Variants in FERMT2 observed in about 807,000 individuals in gnomAD.
FERMT2 encodes FERM domain containing kindlin 2, also known as fermitin family homolog 2.
Under a neutral mutation model 82.7 loss-of-function variants are expected in FERMT2, and 15 were observed. The observed-to-expected ratio is 0.18, with a 90% CI of 0.12 to 0.28. FERMT2 has a LOEUF of 0.28. Ranked by LOEUF, FERMT2 falls within the 10% of genes least tolerant of loss-of-function variation. The pLI is 1.00. For synonymous variants in FERMT2, 274 were observed against 271.5 expected (o/e 1.01, Z -0.09); for missense variants, 645 against 809.4 (o/e 0.80, Z 2.46).
At chr14:52,901,618 T>C (rs1386606361) in intron 3 of FERMT2, among the ~76,000 whole-genome samples, 2 of 152,228 alleles carry the variant, frequency 1.3e-5, no homozygotes, top group Admixed American at 1.3e-4. Context: ...TTGCTGTTAC[T>C]GGCTTTGAAG....
At chr14:52,879,331 T>C (rs1341925952) in intron 6 of FERMT2, among the ~76,000 whole-genome samples, 1 of 152,208 alleles carries the variant, frequency 6.6e-6, no homozygotes, top group Non-Finnish European at 1.5e-5. Context: ...TTATCCAGAA[T>C]GCTTGAGACC....
chr14:52,895,513 C>T (rs951695801), intron 3 of FERMT2, among the ~76,000 whole-genome samples: 1 of 152,094 alleles, frequency 6.6e-6, no homozygotes. Context: ...TAAAAAGAAA[C>T]AACTGACACA....
intron 2 of FERMT2, 81 bp downstream of exon 2, chr14:52,950,331 C>T: frequency 1.4e-6 from 2 of 1,404,908 alleles, no homozygotes; most frequent in South Asian, 1.3e-5. Flanking sequence ...TCAAATGGGC[C>T]CCTCCCCCGT....
At chr14:52,866,599 AAG>A (rs1885295494) in intron 10 of FERMT2, among the ~76,000 whole-genome samples, 1 of 152,190 alleles carries the variant, frequency 6.6e-6, no homozygotes, top group African/African-American at 2.4e-5. Flanking sequence ...GCAAGAAAAA[AAG>A]GTTTCACTAC....
At chr14:52,888,020 T>C (rs374372683) in intron 4 of FERMT2, among the ~76,000 whole-genome samples, 1 of 152,212 alleles carries the variant, frequency 6.6e-6, no homozygotes, top group Non-Finnish European at 1.5e-5. Flanking sequence ...TTACTATGTA[T>C]GTAATTGTTG....
chr14:52,905,910 G>C (rs1245421231), intron 3 of FERMT2, among the ~76,000 whole-genome samples: 2 of 152,132 alleles, frequency 1.3e-5, no homozygotes, highest in African/African-American at 4.8e-5. Context: ...AGAAAATCTA[G>C]GAAAAATTAA....
Position 52,919,293 on chromosome 14 carries a change from T to C in FERMT2, c.221A>G (p.Lys74Arg), listed in dbSNP as rs1402183803. 3 of 1,613,962 alleles carry C rather than the reference T, an allele frequency of 1.9e-6. No individual in the cohort carries two copies. The African/African-American group carries it at 4.0e-5, about 22-fold the overall frequency. ...ATACTTATCTAAGGTCCAATGTGTC[T>C]TCAGAAGCCAAGTTCTCTTCTTTTC... is the stretch of plus-strand genomic sequence containing the variant. ...WWEKKRTWLLKTHWTLDKYGI... is the reference protein window; with the variant it reads ...WWEKKRTWLLRTHWTLDKYGI... The change falls in exon 3 of 15, where the codon AAG (lysine) becomes AGG (arginine). Residue 74 changes from lysine (K) to arginine (R), a missense_variant. By Grantham distance (26) the Lys-to-Arg change is conservative. Coordinates refer to ENST00000341590, the MANE Select transcript of FERMT2 (RefSeq NM_006832.3).
chr14:52,892,243 G>C (rs1164953169), intron 4 of FERMT2, among the ~76,000 whole-genome samples: 1 of 145,430 alleles, frequency 6.9e-6, no homozygotes, highest in Admixed American at 7.0e-5. Context: ...CTGGGTTCAA[G>C]CAATTCTCCT....
intron 3 of FERMT2, among the ~76,000 whole-genome samples, chr14:52,915,208 A>C (rs1177354661): frequency 1.3e-5 from 2 of 152,244 alleles, no homozygotes; most frequent in African/African-American, 4.8e-5. Context: ...GAATGGTAAG[A>C]TCTACATAAC....
intron 2 of FERMT2, among the ~76,000 whole-genome samples, chr14:52,927,708 G>T (rs1179663011): frequency 6.6e-6 from 1 of 150,604 alleles, no homozygotes; most frequent in Non-Finnish European, 1.5e-5. Context: ...GGTCAAGGTT[G>T]CATAGAAAGT....
intron 14 of FERMT2, 149 bp downstream of exon 14, chr14:52,859,424 A>G: frequency 1.4e-6 from 1 of 716,960 alleles, no homozygotes; most frequent in East Asian, 3.2e-5. Context: ...GGCAAATTTA[A>G]GTGAGAAATG....
In FERMT2 at chr14:52,936,851, T is replaced by C. The variant is rs75591842; in HGVS notation, c.157+13561A>G. 3.5e-3 allele frequency among the ~76,000 whole-genome samples: 538 copies of C among 152,242 alleles called. 28 individuals are homozygous for C. The East Asian group carries it at 0.092, about 26-fold the overall frequency. On this transcript the variant is annotated intron_variant, in intron 2 of 14. Transcript: ENST00000341590. ...ATAATACTCACTACATTATAGTAAT[T>C]ACTATTTAAGGATTGTCTTTAGGTC...
intron 7 of FERMT2, among the ~76,000 whole-genome samples, chr14:52,877,277 T>C (rs913106434): frequency 6.6e-6 from 1 of 152,170 alleles, no homozygotes; most frequent in African/African-American, 2.4e-5. Flanking sequence ...TATTCTATCA[T>C]TGGCAAAACC....
chr14:52,941,152 T>C (rs528123758), intron 2 of FERMT2, among the ~76,000 whole-genome samples: 2 of 152,298 alleles, frequency 1.3e-5, no homozygotes, highest in East Asian at 1.9e-4. Context: ...AAACTATTGA[T>C]ACAAACACAT....
intron 10 of FERMT2, 110 bp from the exon 11 acceptor site, chr14:52,864,963 G>A: frequency 2.9e-6 from 2 of 690,070 alleles, no homozygotes; most frequent in Middle Eastern, 3.7e-4. Context: ...TTTTGCCATA[G>A]TATTTTATGA....
intron 3 of FERMT2, among the ~76,000 whole-genome samples, chr14:52,905,429 A>G (rs564907145): frequency 2.0e-5 from 3 of 152,210 alleles, no homozygotes; most frequent in Non-Finnish European, 4.4e-5. Flanking sequence ...TGATTAAAAA[A>G]TAATTTCAAA....
At chr14:52,937,755 CATGAATGTATAGAATT>C (rs1449940816) in intron 2 of FERMT2, among the ~76,000 whole-genome samples, 3 of 152,154 alleles carry the variant, frequency 2.0e-5, no homozygotes, top group African/African-American at 7.2e-5. Flanking sequence ...AAAAATAGAG[CATGAATGTATAGAATT>C]ATCTCTATGC....
intron 2 of FERMT2, among the ~76,000 whole-genome samples, chr14:52,946,732 G>A (rs1163836855): frequency 6.6e-6 from 1 of 152,056 alleles, no homozygotes; most frequent in Admixed American, 6.5e-5. Flanking sequence ...AGGCTGGGTG[G>A]TGTGATTTTG....
chr14:52,885,958 T>TA (rs538519631), intron 4 of FERMT2, among the ~76,000 whole-genome samples: 33 of 144,620 alleles, frequency 2.3e-4, no homozygotes, highest in East Asian at 2.2e-3. Context: ...AATATGGTTT[T>TA]AAAAAAAAAA....
Sources: gnomAD v4.1 joint callset for allele counts (sites outside exome capture counted in the v4.1 genomes callset) on GRCh38, gnomAD v4.1.1 for gene constraint, MANE v1.5 for transcripts, NCBI Gene and HGNC (gene_info 2026-07-23, HGNC 2026-07-21) for gene names.